ACTR2: variants seen among roughly 807,000 people sequenced by gnomAD.
ACTR2 encodes the protein actin-related protein 2.
ACTR2 carries 5 observed loss-of-function variants against 50.2 expected under a neutral mutation model. That is an observed-to-expected ratio of 0.10 (90% CI 0.05 to 0.21). The LOEUF (loss-of-function observed/expected upper bound fraction) is 0.21. ACTR2 is among the 10% of genes least tolerant of loss of function. The pLI, the probability that ACTR2 is intolerant of heterozygous loss-of-function variation, is 1.00. For missense variants in ACTR2, 180 were observed against 480.6 expected (o/e 0.37, Z 5.85); for synonymous variants, 140 against 162.9 (o/e 0.86, Z 1.07).
chr2:65,256,113 T>C (rs572581680), intron 6 of ACTR2, among the ~76,000 whole-genome samples: 8 of 152,334 alleles, frequency 5.3e-5, no homozygotes, highest in African/African-American at 1.9e-4. Context: ...GAGCCTTTGG[T>C]ATGCTAATAT....
At chr2:65,242,590 A>G (rs940558296) in intron 2 of ACTR2, 11 of 480,634 alleles carry the variant, frequency 2.3e-5, no homozygotes, top group African/African-American at 1.4e-4. Context: ...AATTCTTTCC[A>G]TATCATCCTT....
intron 3 of ACTR2, among the ~76,000 whole-genome samples, chr2:65,249,869 T>C (rs192065515): frequency 1.4e-4 from 21 of 152,304 alleles, no homozygotes; most frequent in African/African-American, 4.6e-4. Flanking sequence ...AGCTAAGCCA[T>C]TTCTGTATCT....
chr2:65,256,582 T>C (rs556003265), intron 6 of ACTR2, among the ~76,000 whole-genome samples: 3 of 152,202 alleles, frequency 2.0e-5, no homozygotes, highest in Admixed American at 2.0e-4. Flanking sequence ...TATAAAAAAT[T>C]TGTTGTTGGC....
At chr2:65,248,412 A>C (rs546279655) in intron 3 of ACTR2, among the ~76,000 whole-genome samples, 4 of 151,908 alleles carry the variant, frequency 2.6e-5, no homozygotes, top group African/African-American at 9.7e-5. Flanking sequence ...AAAGAAAAAA[A>C]GGGAATTGGG....
chr2:65,269,846 T>C lies in ACTR2; in HGVS notation c.*1112T>C, dbSNP rs1294767543. ...GGTAATTTTCATTAGTTGTTTTGTT[T>C]GTTTTGATTTGAAACCTGGAAATAC... On this transcript the variant is annotated 3_prime_UTR_variant, in exon 9 of 9. Coordinates refer to ENST00000260641, the MANE Select transcript of ACTR2 (RefSeq NM_005722.4). The C allele has an allele frequency of 6.6e-6, 1 of 152,234 alleles. No homozygotes were observed. The highest frequency in any genetic ancestry group is 6.5e-5 in the Admixed American group (1 of 15,284). 9.4% of individuals were successfully genotyped at this position (152,234 alleles called of 1,614,324 possible).
chr2:65,253,256 A>G (rs1016007438), intron 4 of ACTR2, among the ~76,000 whole-genome samples: 3 of 152,158 alleles, frequency 2.0e-5, no homozygotes, highest in Admixed American at 6.5e-5. Flanking sequence ...CTTGGGCAAC[A>G]TGGCGAAACT....
intron 7 of ACTR2, among the ~76,000 whole-genome samples, chr2:65,264,153 A>G (rs370603582): frequency 1.3e-5 from 2 of 152,232 alleles, no homozygotes; most frequent in Admixed American, 6.5e-5. Flanking sequence ...CAGAGTTTGC[A>G]TTGCAAAGTG....
chr2:65,260,541 C>G (rs1262101467), intron 6 of ACTR2, among the ~76,000 whole-genome samples: 1 of 152,150 alleles, frequency 6.6e-6, no homozygotes. Context: ...CATGTCTGTT[C>G]TACATAGCAG....
intron 4 of ACTR2, among the ~76,000 whole-genome samples, chr2:65,252,691 A>G (rs567924129): frequency 6.6e-6 from 1 of 151,558 alleles, no homozygotes; most frequent in South Asian, 2.1e-4. Flanking sequence ...TTTTTTGACC[A>G]GGTATGGTGG....
chr2:65,256,829 G>T (rs1307809715), intron 6 of ACTR2, among the ~76,000 whole-genome samples: 1 of 148,172 alleles, frequency 6.7e-6, no homozygotes. Flanking sequence ...CTGAGATCGT[G>T]CCACTGCACT....
intron 6 of ACTR2, among the ~76,000 whole-genome samples, chr2:65,260,179 A>G (rs773736164): frequency 4.6e-5 from 7 of 152,254 alleles, no homozygotes; most frequent in Non-Finnish European, 1.0e-4. Context: ...TAATAGTTTC[A>G]CAGAGTAATT....
At chr2:65,250,022 G>A (rs556604953) in intron 3 of ACTR2, among the ~76,000 whole-genome samples, 1 of 152,062 alleles carries the variant, frequency 6.6e-6, no homozygotes, top group Non-Finnish European at 1.5e-5. Context: ...ATTGAGGGAG[G>A]GGGTACGAGG....
At chr2:65,246,301 G>T (rs1273124857) in intron 2 of ACTR2, 3 of 367,772 alleles carry the variant, frequency 8.2e-6, no homozygotes, top group African/African-American at 4.3e-5. Flanking sequence ...AAACATTTGT[G>T]TTAAAGGTAA....
chr2:65,268,799 A>G lies in ACTR2; in HGVS notation c.*65A>G. The G allele has an allele frequency of 6.6e-7, 1 of 1,514,972 alleles. No individual in the cohort carries two copies. Among genetic ancestry groups the G allele is most frequent in the Non-Finnish European group, 9.0e-7 (1 of 1,114,684 alleles). 93.8% of individuals were successfully genotyped at this position (1,514,972 alleles called of 1,614,324 possible). A position where few individuals can be genotyped will look rare whatever the true frequency, so the allele number is the denominator to read the frequency against. ...TTTTTCCTTTATTGCCAATCTTTGAACTCATTCAACTCCAGGACATGGAAG... is the reference window on the plus strand; with the variant it reads ...TTTTTCCTTTATTGCCAATCTTTGAGCTCATTCAACTCCAGGACATGGAAG... On this transcript the variant is annotated 3_prime_UTR_variant, in exon 9 of 9. Coordinates refer to ENST00000260641, the MANE Select transcript of ACTR2 (RefSeq NM_005722.4).
chr2:65,264,320 T>TA (rs1373223218), intron 7 of ACTR2, among the ~76,000 whole-genome samples: 1 of 152,236 alleles, frequency 6.6e-6, no homozygotes, highest in East Asian at 1.9e-4. Context: ...AATGCTTTGT[T>TA]AGAGTTGCAG....
At chr2:65,246,341 A>AT in intron 2 of ACTR2, 183 bp from the exon 3 acceptor site, 1 of 497,440 alleles carries the variant, frequency 2.0e-6, no homozygotes, top group Non-Finnish European at 3.6e-6. Flanking sequence ...ACCACATTGT[A>AT]TGTAAAAATG....
At chr2:65,241,064 A>T (rs955753687) in intron 2 of ACTR2, among the ~76,000 whole-genome samples, 1 of 152,036 alleles carries the variant, frequency 6.6e-6, no homozygotes, top group Admixed American at 6.6e-5. Flanking sequence ...CAAAAAAAAT[A>T]AAATGGGACA....
In ACTR2 at chr2:65,233,427, G is replaced by A. The variant is rs182891820; in HGVS notation, c.48+5470G>A. On this transcript the variant is annotated intron_variant, in intron 1 of 8. Coordinates refer to ENST00000260641, the MANE Select transcript of ACTR2 (RefSeq NM_005722.4). ...CCCAGCACTTTGGGAGGTAAAGGTGGGAGGATTGCTTGAGGCTGGGAGTTC... is the reference window on the plus strand; with the variant it reads ...CCCAGCACTTTGGGAGGTAAAGGTGAGAGGATTGCTTGAGGCTGGGAGTTC... Among the ~76,000 whole-genome samples, 637 of 151,896 alleles carry A rather than the reference G, an allele frequency of 4.2e-3. 5 individuals are homozygous for A. The highest frequency in any genetic ancestry group is 6.3e-3 in the Non-Finnish European group (425 of 67,956).
At chr2:65,259,933 G>T (rs1047708527) in intron 6 of ACTR2, among the ~76,000 whole-genome samples, 3 of 152,078 alleles carry the variant, frequency 2.0e-5, no homozygotes, top group Non-Finnish European at 2.9e-5. Context: ...TGACTGACAA[G>T]ATTTTTTTGT....
Sources: gnomAD v4.1 joint callset for allele counts (sites outside exome capture counted in the v4.1 genomes callset) on GRCh38, gnomAD v4.1.1 for gene constraint, MANE v1.5 for transcripts, NCBI Gene and HGNC (gene_info 2026-07-23, HGNC 2026-07-21) for gene names.